The following SUN3 variants were observed in gnomAD, a reference collection of about 807,000 sequenced individuals.
SUN3 encodes Sad1 and UNC84 domain containing 3.
In SUN3, 36 loss-of-function variants were observed where a neutral mutation model predicts 48.2. That is an observed-to-expected ratio of 0.75 (90% confidence interval 0.57 to 0.99). The LOEUF (loss-of-function observed/expected upper bound fraction) is 0.99. Among genes scored for constraint, SUN3 ranks in the 50% least tolerant of loss-of-function variants. SUN3 has a pLI of 0.00. For synonymous variants in SUN3, 148 were observed against 147.9 expected (o/e 1.00, Z 0.00); for missense variants, 419 against 433.1 (o/e 0.97, Z 0.29).
chr7:48,002,425 T>G lies in SUN3; in HGVS notation c.577+3544A>C, dbSNP rs1789410476. Reference sequence around the variant, plus strand: ...CACCCGCCTCGGCCTCCCAAAGTGCTGGGATTACAGGCGTGAGCCACCGCG... The same window carrying G: ...CACCCGCCTCGGCCTCCCAAAGTGCGGGGATTACAGGCGTGAGCCACCGCG... On this transcript the variant is annotated intron_variant, in intron 6 of 9. Coordinates refer to ENST00000297325, the MANE Select transcript of SUN3 (RefSeq NM_001030019.2). 1.6e-5 allele frequency among the ~76,000 whole-genome samples: 2 copies of G among 127,004 alleles called. 1 individual carries two copies. The highest frequency in any genetic ancestry group is 1.1e-4 in the African/African-American group (2 of 17,956). 83.3% of individuals were successfully genotyped at this position (127,004 alleles called of 152,430 possible).
At chr7:47,990,841 A>G (rs1224250403) in intron 8 of SUN3, among the ~76,000 whole-genome samples, 1 of 151,312 alleles carries the variant, frequency 6.6e-6, no homozygotes, top group African/African-American at 2.4e-5. Context: ...ACAGCAAACT[A>G]ACACAGGAAC....
chr7:48,004,659 A>C (rs1441936443), intron 6 of SUN3, among the ~76,000 whole-genome samples: 3 of 152,260 alleles, frequency 2.0e-5, no homozygotes, highest in Non-Finnish European at 2.9e-5. Flanking sequence ...TCTGGCCCAC[A>C]GGACTACTTT....
In SUN3 at chr7:48,025,906, G is replaced by T. The variant is rs758815352; in HGVS notation, c.155C>A (p.Thr52Lys). Residue 52 changes from threonine to lysine, a missense_variant, in exon 2 of 10, where the codon ACA becomes AAA. Transcript: ENST00000297325. ...AAGAAGAAAAGTCAGTGTAAGCATT[G>T]TACTTAGAATAATCTTCCATGATCG... ...VTRSWKIILS[T>K]MLTLTFLLVG... 2 of 1,603,010 alleles carry T rather than the reference G, an allele frequency of 1.2e-6. No individual in the cohort carries two copies. Among genetic ancestry groups the T allele is most frequent in the Non-Finnish European group, 1.7e-6 (2 of 1,172,742 alleles).
intron 4 of SUN3, among the ~76,000 whole-genome samples, chr7:48,007,594 G>T (rs1039054249): frequency 6.6e-6 from 1 of 152,082 alleles, no homozygotes; most frequent in African/African-American, 2.4e-5. Flanking sequence ...AATCAATCTT[G>T]CTGGTCCCCC....
chr7:47,996,418 T>C (rs550468984), intron 6 of SUN3, among the ~76,000 whole-genome samples: 1 of 152,318 alleles, frequency 6.6e-6, no homozygotes, highest in South Asian at 2.1e-4. Flanking sequence ...GAGATGAGAA[T>C]ATTATATGGA....
At chr7:48,029,274 G>T (rs1915967), upstream of SUN3, among the ~76,000 whole-genome samples, 69,063 of 151,938 alleles carry the variant, frequency 0.45, 16,205 homozygotes, top group African/African-American at 0.57. Context: ...ACCGCTTTTC[G>T]ATAGCAAATC....
intron 6 of SUN3, among the ~76,000 whole-genome samples, chr7:48,004,735 C>T (rs1046942104): frequency 3.9e-5 from 6 of 152,254 alleles, no homozygotes; most frequent in South Asian, 2.1e-4. Context: ...CTTGCTGCCA[C>T]GTTTGCAGCT....
chr7:48,029,774 A>C (rs191182215), upstream of SUN3, among the ~76,000 whole-genome samples: 1 of 152,292 alleles, frequency 6.6e-6, no homozygotes, highest in Admixed American at 6.5e-5. Flanking sequence ...TTGGGGCATA[A>C]ATTCTACGAT....
intron 1 of SUN3, among the ~76,000 whole-genome samples, 200 bp downstream of exon 1, chr7:48,028,617 T>A (rs1049575677): frequency 6.6e-6 from 1 of 151,734 alleles, no homozygotes; most frequent in Non-Finnish European, 1.5e-5. Flanking sequence ...TTAATCCAGA[T>A]ACCGTTGACA....
intron 3 of SUN3, among the ~76,000 whole-genome samples, chr7:48,010,198 T>C (rs1018811667): frequency 6.6e-6 from 1 of 152,106 alleles, no homozygotes; most frequent in African/African-American, 2.4e-5. Context: ...ACAGCCCCTA[T>C]TCCAACATGG....
chr7:48,000,244 TCTC>T (rs1779668573), intron 6 of SUN3: 1 of 152,278 alleles, frequency 6.6e-6, no homozygotes, highest in South Asian at 2.1e-4. Flanking sequence ...TTGAAGCTAT[TCTC>T]CTGCCTCAGC....
chr7:47,987,208 G>T lies in SUN3; in HGVS notation c.*122C>A. On this transcript the variant is annotated 3_prime_UTR_variant, in exon 10 of 10. Transcript: ENST00000297325. ...GCATTTACTTTTTACAGGCAAGTAT[G>T]AACCACTTTGAGGTTTTCTTCCCAC... 1.0e-6 allele frequency: 1 copy of T among 993,466 alleles called. No homozygotes were observed. The allele number at this position is 993,466 out of a possible 1,614,324, so 61.5% of individuals were successfully genotyped here.
intron 8 of SUN3, among the ~76,000 whole-genome samples, chr7:47,990,163 T>TGTC (rs1361284797): frequency 1.3e-5 from 2 of 151,810 alleles, no homozygotes; most frequent in Non-Finnish European, 2.9e-5. Flanking sequence ...GGAAGGCATC[T>TGTC]GTCTCCTGCT....
chr7:48,025,006 A>G (rs77879726), intron 2 of SUN3, among the ~76,000 whole-genome samples: 4,474 of 152,246 alleles, frequency 0.029, 222 homozygotes, highest in African/African-American at 0.1. Context: ...TAGTGCAGCC[A>G]TTGAGGAAAA....
chr7:48,016,243 C>T (rs1789808964), intron 3 of SUN3, among the ~76,000 whole-genome samples: 1 of 152,272 alleles, frequency 6.6e-6, no homozygotes, highest in African/African-American at 2.4e-5. Flanking sequence ...AATCAGCACT[C>T]CCCACTTCCC....
At chr7:47,990,867 C>A in intron 8 of SUN3, 1 of 353,660 alleles carries the variant, frequency 2.8e-6, no homozygotes. Context: ...AACAAATACT[C>A]TATGTTCTCA....
upstream of SUN3, among the ~76,000 whole-genome samples, chr7:48,033,502 C>T (rs1015173794): frequency 7.2e-5 from 11 of 152,102 alleles, no homozygotes; most frequent in Admixed American, 3.3e-4. Context: ...TTCAAAGCTT[C>T]GCTGAGCCAT....
intron 6 of SUN3, among the ~76,000 whole-genome samples, chr7:48,001,537 T>G (rs1028968999): frequency 2.8e-5 from 4 of 142,456 alleles, no homozygotes; most frequent in East Asian, 2.0e-4. Context: ...TTTTGTTTTT[T>G]TTTTTTTTTT....
chr7:48,028,893 G>A lies in SUN3; in HGVS notation c.46C>T (p.Arg16Cys), dbSNP rs969807123. 2 of 1,613,912 alleles carry A rather than the reference G, an allele frequency of 1.2e-6. No homozygotes were observed. The highest frequency in any genetic ancestry group is 1.3e-5 in the African/African-American group (1 of 75,020). Residue 16 changes from arginine to cysteine, a missense_variant, in exon 1 of 10, where the codon CGT becomes TGT. Coordinates refer to ENST00000297325, the MANE Select transcript of SUN3 (RefSeq NM_001030019.2). ...KARRAAMFFRRCSEDASGSAS... is the reference protein window; with the variant it reads ...KARRAAMFFRCCSEDASGSAS... ...CTACCGCTGGCGTCTTCAGAGCAACGTCTAAAAAACATGGCAGCCCTTCTT... is the reference window on the plus strand; with the variant it reads ...CTACCGCTGGCGTCTTCAGAGCAACATCTAAAAAACATGGCAGCCCTTCTT...
Sources: allele counts gnomAD v4.1 joint callset (sites outside exome capture counted in the v4.1 genomes callset), GRCh38; gene constraint gnomAD v4.1.1; transcripts MANE v1.5; gene names NCBI Gene and HGNC (gene_info 2026-07-23, HGNC 2026-07-21).